Variants in XDH observed in about 807,000 individuals in gnomAD.
The protein encoded by XDH is xanthine dehydrogenase/oxidase.
A neutral mutation model predicts 156.1 loss-of-function variants in XDH; 138 were observed. The ratio of observed to expected loss-of-function variants is 0.88; its 90% CI spans 0.77 to 1.02. The LOEUF (loss-of-function observed/expected upper bound fraction) is 1.02. XDH is among the 50% of genes least tolerant of loss of function. XDH has a pLI of 0.00. For synonymous variants in XDH, 669 were observed against 625.7 expected (o/e 1.07, Z -1.03); for missense variants, 1,849 against 1,684.9 (o/e 1.10, Z -1.71).
rs942616381 is a variant in XDH, at chr2:31,334,366, C to T, written c.*1592G>A. The T allele has an allele frequency of 2.0e-5, 3 of 152,204 alleles. No homozygotes were observed. The highest frequency in any genetic ancestry group is 7.2e-5 in the African/African-American group (3 of 41,432). 9.4% of individuals were successfully genotyped at this position (152,204 alleles called of 1,614,324 possible). A position where few individuals can be genotyped will look rare whatever the true frequency, so the allele number is the denominator to read the frequency against. On this transcript the variant is annotated 3_prime_UTR_variant, in exon 36 of 36. Transcript: ENST00000379416. ...TTAGTGACATCAAGCACCAGTCCAA[C>T]TATATCATTTCCACTATCCTCCCTC...
At chr2:31,378,377 C>G (rs1686336878) in intron 13 of XDH, among the ~76,000 whole-genome samples, 1 of 152,094 alleles carries the variant, frequency 6.6e-6, no homozygotes, top group African/African-American at 2.4e-5. Flanking sequence ...GTGTCAGGTT[C>G]CTTTTGAGGT....
intron 8 of XDH, among the ~76,000 whole-genome samples, chr2:31,386,854 C>T (rs1379679174): frequency 1.1e-4 from 1 of 8,716 alleles, no homozygotes; most frequent in Non-Finnish European, 2.1e-4. Flanking sequence ...CCCCAACAGA[C>T]CTGGCTGAAA....
At chr2:31,407,074 G>T (rs1440705382) in intron 1 of XDH, among the ~76,000 whole-genome samples, 1 of 152,160 alleles carries the variant, frequency 6.6e-6, no homozygotes, top group African/African-American at 2.4e-5. Flanking sequence ...TAAAGAGAAA[G>T]AATTCATGAT....
At chr2:31,351,348 C>T (rs11124258) in intron 24 of XDH, among the ~76,000 whole-genome samples, 88,823 of 152,004 alleles carry the variant, frequency 0.58, 28,078 homozygotes, top group East Asian at 0.78. Flanking sequence ...AAGTTTTCCC[C>T]AATTCTAAAA....
Position 31,366,863 on chromosome 2 carries a change from C to T in XDH, c.2322+7G>A, listed in dbSNP as rs185429875. Reference sequence around the variant, plus strand: ...CAGCCCCTTGAGCTGACCCAAAAGGCATCTACCTGGGTCTTCATGGTGTTC... The same window carrying T: ...CAGCCCCTTGAGCTGACCCAAAAGGTATCTACCTGGGTCTTCATGGTGTTC... On this transcript the variant is annotated splice_region_variant and intron_variant, in intron 21 of 35. Coordinates refer to ENST00000379416, the MANE Select transcript of XDH (RefSeq NM_000379.4). 16 of 1,614,080 alleles carry T rather than the reference C, an allele frequency of 9.9e-6. No individual in the cohort carries two copies. In the East Asian group the frequency reaches 3.6e-4, roughly 36 times the overall value.
At chr2:31,368,461 C>G in intron 19 of XDH, 80 bp downstream of exon 19, 7 of 1,575,986 alleles carry the variant, frequency 4.4e-6, no homozygotes, top group Non-Finnish European at 6.1e-6. Flanking sequence ...CTGCTCAAAT[C>G]CCCTCCAGGG....
chr2:31,400,232 ACTT>A (rs920462773), intron 4 of XDH, among the ~76,000 whole-genome samples: 1 of 142,674 alleles, frequency 7.0e-6, no homozygotes, highest in African/African-American at 2.7e-5. Flanking sequence ...AGCTCTGGTA[ACTT>A]CTTTTTTTTT....
Position 31,365,924 on chromosome 2 carries a change from G to C in XDH, c.2456+52C>G, listed in dbSNP as rs375944840. 14 of 1,613,526 alleles carry C rather than the reference G, an allele frequency of 8.7e-6. No individual in the cohort carries two copies. The African/African-American group carries it at 1.9e-4, about 22-fold the overall frequency. ...CCTGAAAACCTTCCTGGCACAGACAGCCTTATTCTTCTTCCCAGAGCCAGA... is the reference window on the plus strand; with the variant it reads ...CCTGAAAACCTTCCTGGCACAGACACCCTTATTCTTCTTCCCAGAGCCAGA... On this transcript the variant is annotated intron_variant, in intron 22 of 35. Transcript: ENST00000379416.
At chr2:31,399,712 TAAATCTGACG>T (rs1284410527) in intron 4 of XDH, among the ~76,000 whole-genome samples, 1 of 152,148 alleles carries the variant, frequency 6.6e-6, no homozygotes, top group African/African-American at 2.4e-5. Flanking sequence ...TGGTAGTGAA[TAAATCTGACG>T]AAATCTGAAG....
At chr2:31,375,292 A>G (rs1686213440) in intron 15 of XDH, 88 bp downstream of exon 15, 1 of 1,549,270 alleles carries the variant, frequency 6.5e-7, no homozygotes. Flanking sequence ...AGATGTCCAG[A>G]GGAGAGGAGC....
rs1685067781 is a variant in XDH, at chr2:31,339,576, C to A, written c.3687G>T (p.Lys1229Asn). 3 of 1,614,190 alleles carry A rather than the reference C, an allele frequency of 1.9e-6. No individual in the cohort carries two copies. The East Asian group carries it at 6.7e-5, about 36-fold the overall frequency. Residue 1229 changes from lysine to asparagine, a missense_variant, in exon 34 of 36, where the codon AAG becomes AAT. Coordinates refer to ENST00000379416, the MANE Select transcript of XDH (RefSeq NM_000379.4). ...SLHTRGPSTY[K>N]IPAFGSIPIE... is the part of the protein sequence containing the mutation. ...TGGGGATGCTGCCAAATGCCGGGAT[C>A]TTGTAGGTGCTAGGGCCACGGGTGT... is the stretch of plus-strand genomic sequence containing the variant.
Position 31,348,881 on chromosome 2 carries a change from A to G in XDH, c.3051+18T>C, listed in dbSNP as rs762590280. ...TCCCAGTCCAGCGGAGATGGACACA[A>G]TTCTATAAAGCAATTACCTGATTCA... is the stretch of plus-strand genomic sequence containing the variant. On this transcript the variant is annotated intron_variant, in intron 27 of 35. Transcript: ENST00000379416. The G allele has an allele frequency of 6.2e-7, 1 of 1,608,042 alleles. No homozygotes were observed. The highest frequency in any genetic ancestry group is 8.5e-7 in the Non-Finnish European group (1 of 1,174,408).
intron 13 of XDH, among the ~76,000 whole-genome samples, chr2:31,378,107 A>AAAGAAAGAAAGAAAGG (rs1686309264): frequency 3.7e-5 from 2 of 54,514 alleles, no homozygotes; most frequent in Admixed American, 1.9e-4. Flanking sequence ...AGAAAGAAAG[A>AAAGAAAGAAAGAAAGG]AAGGAAGGAA....
At position 31,377,090 on chromosome 2, in the gene XDH, TG is replaced by T; in HGVS notation, c.1389del (p.Ile464SerfsTer58). The T allele has an allele frequency of 6.2e-7, 1 of 1,614,146 alleles. No individual in the cohort carries two copies. The highest frequency in any genetic ancestry group is 1.1e-5 in the South Asian group (1 of 91,074). On this transcript the variant is annotated frameshift_variant, in exon 14 of 36. Transcript: ENST00000379416. LOFTEE classifies it high-confidence loss of function. ...CTCTGAGTGGTCTTGAGGGCTGAGA[TG>T]GTTCTGTTGGCCATTCCACCATAGC... ...ALCYGGMANR[T>X]ISALKTTQRQ...
At chr2:31,369,638 C>A (rs1558690572) in intron 18 of XDH, among the ~76,000 whole-genome samples, 1 of 152,188 alleles carries the variant, frequency 6.6e-6, no homozygotes, top group Non-Finnish European at 1.5e-5. Context: ...CTTTCACTAG[C>A]CATAATGCTA....
intron 31 of XDH, 141 bp from the exon 32 acceptor site, chr2:31,342,438 G>T: frequency 4.2e-6 from 3 of 721,940 alleles, no homozygotes; most frequent in East Asian, 5.5e-5. Flanking sequence ...TCCATGGTTT[G>T]AACAATTTGA....
intron 2 of XDH, 27 bp from the exon 3 acceptor site, chr2:31,403,171 G>C: frequency 1.9e-6 from 3 of 1,612,220 alleles, no homozygotes; most frequent in Admixed American, 1.7e-5. Flanking sequence ...TAAGGAGAAT[G>C]AACTCAGGGA....
In XDH at chr2:31,383,757, T is replaced by C; in HGVS notation, c.884A>G (p.Asp295Gly). The C allele has an allele frequency of 6.2e-7, 1 of 1,613,696 alleles. No individual in the cohort carries two copies. Among genetic ancestry groups the C allele is most frequent in the Non-Finnish European group, 8.5e-7 (1 of 1,179,904 alleles). Reference sequence around the variant, plus strand: ...GCTTGGAGTGAACCTCCTCTTACCGTCGGGTCCATGTTCTACCGAATTCAG... The same window carrying C: ...GCTTGGAGTGAACCTCCTCTTACCGCCGGGTCCATGTTCTACCGAATTCAG... Reference protein sequence around the residue: ...PELNSVEHGPDGISFGAACPL... With the variant: ...PELNSVEHGPGGISFGAACPL... Residue 295 changes from aspartate (D) to glycine (G), a missense_variant and splice_region_variant, in exon 10 of 36, where the codon GAC becomes GGC. Physicochemically the swap from Asp to Gly is moderately conservative, Grantham distance 94. Coordinates refer to ENST00000379416, the MANE Select transcript of XDH (RefSeq NM_000379.4).
In XDH at chr2:31,339,480, C is replaced by A. The variant is rs762619267; in HGVS notation, c.3774+9G>T. The A allele has an allele frequency of 3.1e-6, 5 of 1,613,750 alleles. No homozygotes were observed. The African/African-American group carries it at 4.0e-5, about 13-fold the overall frequency. On this transcript the variant is annotated intron_variant, in intron 34 of 35. Coordinates refer to ENST00000379416, the MANE Select transcript of XDH (RefSeq NM_000379.4). ...CAGAAGAGACAGCACAGAGCCAGAG[C>A]AATGGTACCTTCGATGCATAGATGG...
Sources: gnomAD v4.1 joint callset for allele counts (sites outside exome capture counted in the v4.1 genomes callset) on GRCh38, gnomAD v4.1.1 for gene constraint, MANE v1.5 for transcripts, NCBI Gene and HGNC (gene_info 2026-07-23, HGNC 2026-07-21) for gene names.